Variants in CLIP1 observed in about 807,000 individuals in gnomAD.
CLIP1 encodes CAP-Gly domain containing linker protein 1.
CLIP1 carries 66 observed loss-of-function variants against 161.6 expected under a neutral mutation model. The ratio of observed to expected loss-of-function variants is 0.41; its 90% CI spans 0.33 to 0.50. CLIP1 has a LOEUF of 0.50. Among genes scored for constraint, CLIP1 ranks in the 20% least tolerant of loss-of-function variants. The pLI is 0.27. For missense variants in CLIP1, 1,376 were observed against 1,702.0 expected (o/e 0.81, Z 3.37); for synonymous variants, 598 against 626.2 (o/e 0.96, Z 0.67).
chr12:122,317,415 T>C (rs1951312483), intron 18 of CLIP1, among the ~76,000 whole-genome samples: 1 of 152,178 alleles, frequency 6.6e-6, no homozygotes, highest in African/African-American at 2.4e-5. Flanking sequence ...AAAAGCCATG[T>C]CGTGGGACTG....
chr12:122,274,575 T>A (rs570861552), intron 24 of CLIP1: 2 of 157,298 alleles, frequency 1.3e-5, no homozygotes, highest in African/African-American at 2.4e-5. Flanking sequence ...AGTCTCGCTC[T>A]GTCGCCCAGG....
chr12:122,421,642 G>A (rs1956946868), intron 1 of CLIP1, among the ~76,000 whole-genome samples: 1 of 152,180 alleles, frequency 6.6e-6, no homozygotes, highest in Non-Finnish European at 1.5e-5. Context: ...CGGACAACGT[G>A]TAATTTCTTC....
intron 10 of CLIP1, chr12:122,344,149 CCT>C (rs1952637155): frequency 6.6e-6 from 1 of 152,188 alleles, no homozygotes. Context: ...TCTTTCATTT[CCT>C]CTGTCCACCC....
Position 122,336,768 on chromosome 12 carries a change from G to T in CLIP1, c.2452-20C>A. ...ACTAGCCTAACACACAGTGTTACAT[G>T]GTATAGAAGCAAATGAACAAAAGGA... On this transcript the variant is annotated intron_variant, in intron 11 of 25. Transcript: ENST00000620786. 1 of 1,064,720 alleles carries T rather than the reference G, an allele frequency of 9.4e-7. No homozygotes were observed. The highest frequency in any genetic ancestry group is 1.3e-6 in the Non-Finnish European group (1 of 746,330). The allele number at this position is 1,064,720 out of a possible 1,614,324, so 66.0% of individuals were successfully genotyped here.
intron 12 of CLIP1, among the ~76,000 whole-genome samples, chr12:122,336,413 T>TAAAA (rs144935400): frequency 7.2e-6 from 1 of 139,012 alleles, no homozygotes. Context: ...AGGGATAGAT[T>TAAAA]AAAAAAAAAA....
In CLIP1 at chr12:122,287,214, T is replaced by C. The variant is rs77465106; in HGVS notation, c.3647+1275A>G. Among the ~76,000 whole-genome samples the C allele has an allele frequency of 9.1e-3, 1,383 of 152,188 alleles. 26 individuals carry two copies. Among genetic ancestry groups the C allele is most frequent in the African/African-American group, 0.032 (1,320 of 41,522 alleles). On this transcript the variant is annotated intron_variant, in intron 21 of 25. Coordinates refer to ENST00000620786, the MANE Select transcript of CLIP1 (RefSeq NM_001247997.2). ...AAAAAGAAAAAAGAAAATGCATCCC[T>C]GGACCAAGGCCTAACGTCCTTTAGA...
At chr12:122,421,806 A>G (rs908340473) in intron 1 of CLIP1, among the ~76,000 whole-genome samples, 1 of 152,172 alleles carries the variant, frequency 6.6e-6, no homozygotes, top group African/African-American at 2.4e-5. Flanking sequence ...AATTCGGGCA[A>G]TCGCTAGGTT....
At chr12:122,390,197 A>ATATATAT (rs1555280492) in intron 1 of CLIP1, among the ~76,000 whole-genome samples, 8 of 90,604 alleles carry the variant, frequency 8.8e-5, no homozygotes, top group East Asian at 8.5e-4. Context: ...ATATATATAT[A>ATATATAT]ATATATATAT....
At chr12:122,306,275 TG>T (rs2136468273) in intron 20 of CLIP1, among the ~76,000 whole-genome samples, 1 of 152,192 alleles carries the variant, frequency 6.6e-6, no homozygotes, top group Admixed American at 6.6e-5. Flanking sequence ...AAACTCCCCT[TG>T]ATATCTATCT....
chr12:122,390,722 G>A (rs767160030), intron 1 of CLIP1, among the ~76,000 whole-genome samples: 2 of 151,210 alleles, frequency 1.3e-5, no homozygotes, highest in Non-Finnish European at 2.9e-5. Context: ...CTGACACCAC[G>A]GCTAGACCAT....
chr12:122,403,617 C>T (rs1956219157), intron 1 of CLIP1, among the ~76,000 whole-genome samples: 1 of 147,312 alleles, frequency 6.8e-6, no homozygotes, highest in Admixed American at 7.1e-5. Context: ...CTCCTGGGTT[C>T]AAGCGATTCT....
At chr12:122,315,220 A>C (rs1951214378) in intron 19 of CLIP1, among the ~76,000 whole-genome samples, 1 of 152,158 alleles carries the variant, frequency 6.6e-6, no homozygotes, top group African/African-American at 2.4e-5. Flanking sequence ...CTTGAATCTC[A>C]TCTATGTATT....
At chr12:122,319,399 G>A (rs763881390) in intron 17 of CLIP1, 51 bp from the exon 18 acceptor site, 36 of 1,359,376 alleles carry the variant, frequency 2.6e-5, no homozygotes, top group African/African-American at 7.2e-5. Context: ...CGCCAACACC[G>A]TTAGGTGAGG....
At chr12:122,358,496 G>T (rs1953613766) in intron 5 of CLIP1, among the ~76,000 whole-genome samples, 1 of 151,116 alleles carries the variant, frequency 6.6e-6, no homozygotes, top group South Asian at 2.1e-4. Flanking sequence ...AGTTAGATAT[G>T]GAAGGGGGCA....
At chr12:122,377,202 G>T (rs1237290814) in intron 3 of CLIP1, among the ~76,000 whole-genome samples, 187 bp downstream of exon 3, 3 of 151,754 alleles carry the variant, frequency 2.0e-5, no homozygotes, top group Non-Finnish European at 4.4e-5. Context: ...TAGAGACAGG[G>T]TTTCACCATC....
At position 122,348,998 on chromosome 12, in the gene CLIP1, T is replaced by A. The variant is rs115807365; in HGVS notation, c.1402-1519A>T. 3.9e-3 allele frequency among the ~76,000 whole-genome samples: 588 copies of A among 151,246 alleles called. 4 individuals are homozygous for A. The highest frequency in any genetic ancestry group is 0.013 in the African/African-American group (525 of 40,644). ...GATATTTAAAAGGTGAACAAAAAAA[T>A]TTTTTTTAATTCATCACCTGCTTCA... On this transcript the variant is annotated intron_variant, in intron 9 of 25. Transcript: ENST00000620786.
In CLIP1 at chr12:122,279,712, T is replaced by C. The variant is rs1955568967; in HGVS notation, c.3648-567A>G. Reference sequence around the variant, plus strand: ...TAAAGATTATTATTATTACTCAAACTGAAGGATTATTACTTTCCAGCCATA... The same window carrying C: ...TAAAGATTATTATTATTACTCAAACCGAAGGATTATTACTTTCCAGCCATA... On this transcript the variant is annotated intron_variant, in intron 21 of 25. Transcript: ENST00000620786. The surrounding 1 kb of genome is among the most constrained non-coding windows in gnomAD (Gnocchi z 4.5). 6.6e-6 allele frequency: 1 copy of C among 152,186 alleles called. No individual in the cohort carries two copies. The highest frequency in any genetic ancestry group is 2.4e-5 in the African/African-American group (1 of 41,442). The allele number at this position is 152,186 out of a possible 1,614,324, so 9.4% of individuals were successfully genotyped here.
intron 5 of CLIP1, among the ~76,000 whole-genome samples, chr12:122,358,896 A>G (rs11057686): frequency 0.57 from 87,176 of 151,766 alleles, 25,902 homozygotes; most frequent in Non-Finnish European, 0.64. Context: ...CCTCGTCTCT[A>G]CTAAAAATAC....
chr12:122,315,662 A>T (rs1444266880), intron 19 of CLIP1, among the ~76,000 whole-genome samples: 3 of 29,362 alleles, frequency 1.0e-4, no homozygotes, highest in Non-Finnish European at 1.7e-4. Context: ...TTTTTTTGAG[A>T]TGGAGTCTCG....
Sources: gnomAD v4.1 joint callset for allele counts (sites outside exome capture counted in the v4.1 genomes callset) on GRCh38, gnomAD v4.1.1 for gene constraint, Gnocchi (gnomAD v3.1) non-coding constraint, MANE v1.5 for transcripts, NCBI Gene and HGNC (gene_info 2026-07-23, HGNC 2026-07-21) for gene names.